ZNF469: variants seen among roughly 807,000 people sequenced by gnomAD.
ZNF469 encodes the protein zinc finger protein 469.
A neutral mutation model predicts 1.0 loss-of-function variants in ZNF469; 1 was observed. That is an observed-to-expected ratio of 1.00 (90% CI 0.35 to 4.73). ZNF469 has a LOEUF of 4.73. ZNF469 is among the 30% of genes most tolerant of loss of function. The probability of loss-of-function intolerance (pLI) is 0.16; values close to 1 mark genes in which losing one functional copy is unlikely to be tolerated. For missense variants in ZNF469, 6,100 were observed against 5,356.3 expected (o/e 1.14, Z -4.33); for synonymous variants, 2,703 against 2,363.4 (o/e 1.14, Z -4.17).
At chr16:88,416,342 C>T (rs1324428945) in intron 1 of ZNF469, among the ~76,000 whole-genome samples, 1 of 152,214 alleles carries the variant, frequency 6.6e-6, no homozygotes, top group Non-Finnish European at 1.5e-5. Flanking sequence ...TCGAAGTTCA[C>T]TTACGCTATT....
chr16:88,374,917 C>T, the ZNF469 span, among the ~76,000 whole-genome samples: 1 of 152,232 alleles, frequency 6.6e-6, no homozygotes, highest in African/African-American at 2.4e-5. Flanking sequence ...GTTTTACCTG[C>T]CCTGAGCAAA....
chr16:88,275,857 GGAA>G, the ZNF469 span, among the ~76,000 whole-genome samples: 1 of 152,182 alleles, frequency 6.6e-6, no homozygotes, highest in Non-Finnish European at 1.5e-5. Context: ...GGGGAACAGG[GGAA>G]GGTGTCTCCC....
chr16:88,250,918 C>T, the ZNF469 span, among the ~76,000 whole-genome samples: 2 of 152,130 alleles, frequency 1.3e-5, no homozygotes, highest in Non-Finnish European at 2.9e-5. Flanking sequence ...TGCTCTGTCC[C>T]ACAGGCTGGA....
chr16:88,355,147 C>T, the ZNF469 span, among the ~76,000 whole-genome samples: 2 of 152,186 alleles, frequency 1.3e-5, no homozygotes, highest in Admixed American at 1.3e-4. Flanking sequence ...TGCAGACACT[C>T]AGCTCCGCCA....
chr16:88,356,964 G>A, the ZNF469 span, among the ~76,000 whole-genome samples: 3 of 152,268 alleles, frequency 2.0e-5, no homozygotes, highest in East Asian at 1.9e-4. Flanking sequence ...GCTGTGACAC[G>A]GAGGTGCAGC....
At chr16:88,332,390 G>GC in the ZNF469 span, among the ~76,000 whole-genome samples, 3 of 152,206 alleles carry the variant, frequency 2.0e-5, no homozygotes, top group Non-Finnish European at 2.9e-5. Context: ...CCCATGATGT[G>GC]CCGTCACCGC....
the ZNF469 span, among the ~76,000 whole-genome samples, chr16:88,259,815 G>C: frequency 1.3e-5 from 2 of 152,166 alleles, no homozygotes; most frequent in African/African-American, 4.8e-5. This position sits in a 1 kb window ranked among gnomAD's most constrained non-coding sequence, Gnocchi z 4.1. Context: ...GGGGTGGGGG[G>C]CTGCAGGCTC....
chr16:88,337,135 T>A, the ZNF469 span, among the ~76,000 whole-genome samples: 1 of 152,218 alleles, frequency 6.6e-6, no homozygotes, highest in African/African-American at 2.4e-5. Context: ...AGTGCCGCTA[T>A]GAACGTTCAC....
At chr16:88,111,796 C>A in the ZNF469 span, among the ~76,000 whole-genome samples, 1 of 152,118 alleles carries the variant, frequency 6.6e-6, no homozygotes, top group African/African-American at 2.4e-5. Flanking sequence ...ACCATCACAC[C>A]CAGCTAATTT....
chr16:88,331,680 C>T, the ZNF469 span, among the ~76,000 whole-genome samples: 1 of 151,238 alleles, frequency 6.6e-6, no homozygotes, highest in Non-Finnish European at 1.5e-5. Context: ...ACCACCATCA[C>T]TATTATCACC....
At chr16:88,280,484 G>C in the ZNF469 span, among the ~76,000 whole-genome samples, 1 of 151,548 alleles carries the variant, frequency 6.6e-6, no homozygotes, top group African/African-American at 2.4e-5. Context: ...GCACTTGTTG[G>C]TGCTGTGCCA....
Position 88,428,392 on chromosome 16 carries a change from C to G in ZNF469, c.922C>G (p.Gln308Glu). Residue 308 changes from glutamine (Q) to glutamate (E), a missense_variant, in exon 3 of 3, where the codon CAG becomes GAG. Coordinates refer to ENST00000565624, the MANE Select transcript of ZNF469 (RefSeq NM_001367624.2). ...TNGPLVFAFH[Q>E]PQGAWPEEAV... ...TGGGCCACTGGTGTTTGCCTTCCAT[C>G]AGCCCCAGGGAGCGTGGCCGGAGGA... 6.5e-7 allele frequency: 1 copy of G among 1,548,518 alleles called. No homozygotes were observed. Among genetic ancestry groups the G allele is most frequent in the South Asian group, 1.2e-5 (1 of 84,068 alleles).
At chr16:88,275,755 G>A in the ZNF469 span, among the ~76,000 whole-genome samples, 1 of 152,184 alleles carries the variant, frequency 6.6e-6, no homozygotes, top group African/African-American at 2.4e-5. Flanking sequence ...CAGGACCCTG[G>A]TTAGGGAAGG....
the ZNF469 span, among the ~76,000 whole-genome samples, chr16:88,294,128 G>A: frequency 6.6e-6 from 1 of 152,216 alleles, no homozygotes; most frequent in Non-Finnish European, 1.5e-5. Flanking sequence ...GAAAGCTCTG[G>A]CTCAAATTCC....
chr16:88,199,817 G>A, the ZNF469 span, among the ~76,000 whole-genome samples: 10 of 152,346 alleles, frequency 6.6e-5, no homozygotes, highest in South Asian at 2.1e-3. Flanking sequence ...CTGGGAGTCA[G>A]GATGGGGGCT....
the ZNF469 span, among the ~76,000 whole-genome samples, chr16:88,311,429 A>G: frequency 5.6e-4 from 85 of 152,348 alleles, no homozygotes; most frequent in Non-Finnish European, 8.8e-5. Context: ...GAAATAACCC[A>G]TAAGAAAGCC....
chr16:88,239,692 TATATATATATATATATATATATA>T, the ZNF469 span, among the ~76,000 whole-genome samples: 113 of 5,928 alleles, frequency 0.019, 5 homozygotes, highest in Non-Finnish European at 0.023. Context: ...TATATATATA[TATATATATATATATATATATATA>T]TTTTTTTTTT....
At chr16:88,298,366 G>C in the ZNF469 span, among the ~76,000 whole-genome samples, 1 of 152,190 alleles carries the variant, frequency 6.6e-6, no homozygotes, top group African/African-American at 2.4e-5. Flanking sequence ...CTCCGGGAAA[G>C]GGCGGATGAC....
the ZNF469 span, among the ~76,000 whole-genome samples, chr16:88,266,110 G>A: frequency 1.2e-4 from 18 of 152,276 alleles, no homozygotes; most frequent in African/African-American, 3.4e-4. Context: ...TGTGCCCTCC[G>A]ACAGACACGG....
Sources: gnomAD v4.1 joint callset for allele counts (sites outside exome capture counted in the v4.1 genomes callset) on GRCh38, gnomAD v4.1.1 for gene constraint, Gnocchi (gnomAD v3.1) non-coding constraint, MANE v1.5 for transcripts, NCBI Gene and HGNC (gene_info 2026-07-23, HGNC 2026-07-21) for gene names.